Variants in TIAL1 observed in about 807,000 individuals in gnomAD.
TIAL1 encodes nucleolysin TIAR.
In TIAL1, 7 loss-of-function variants were observed where a neutral mutation model predicts 59.7. The ratio of observed to expected loss-of-function variants is 0.12; its 90% CI spans 0.07 to 0.22. The LOEUF (loss-of-function observed/expected upper bound fraction) is 0.22. Among genes scored for constraint, TIAL1 ranks in the 10% least tolerant of loss-of-function variants. TIAL1 has a pLI of 1.00. For synonymous variants in TIAL1, 149 were observed against 146.3 expected, an observed-to-expected ratio of 1.02 and a Z score of -0.13; for missense variants, 225 against 462.5, an observed-to-expected ratio of 0.49 and a Z score of 4.71.
intron 5 of TIAL1, chr10:119,580,910 C>T: frequency 1.0e-6 from 1 of 954,230 alleles, no homozygotes; most frequent in Non-Finnish European, 1.4e-6. Context: ...AACTGCAGGT[C>T]TCAGGTATAA....
intron 2 of TIAL1, among the ~76,000 whole-genome samples, chr10:119,584,697 C>T (rs925379901): frequency 1.1e-4 from 17 of 152,002 alleles, no homozygotes; most frequent in East Asian, 1.9e-4. Flanking sequence ...GGTGTGGTGG[C>T]GGGCGCCTGT....
chr10:119,584,753 T>TG (rs1476998027), intron 2 of TIAL1, among the ~76,000 whole-genome samples: 2 of 150,936 alleles, frequency 1.3e-5, no homozygotes, highest in Non-Finnish European at 3.0e-5. Context: ...CGTTTGAACC[T>TG]GGGAGGCAGA....
chr10:119,593,397 A>G (rs149953012), intron 1 of TIAL1: 1 of 866,748 alleles, frequency 1.2e-6, no homozygotes, highest in African/African-American at 1.8e-5. Context: ...TTGCCACTTT[A>G]AATACCATCA....
At chr10:119,586,404 T>G (rs1239147536) in intron 2 of TIAL1, among the ~76,000 whole-genome samples, 1 of 152,234 alleles carries the variant, frequency 6.6e-6, no homozygotes, top group South Asian at 2.1e-4. Flanking sequence ...GTCCTTATCT[T>G]GACTTCGGCT....
intron 11 of TIAL1, 137 bp from the exon 12 acceptor site, chr10:119,575,928 A>C: frequency 6.0e-6 from 5 of 827,568 alleles, no homozygotes; most frequent in Non-Finnish European, 8.8e-6. Flanking sequence ...TAGAAAGATC[A>C]AAGAAATAAA....
chr10:119,594,233 T>C (rs1846037225), intron 1 of TIAL1, among the ~76,000 whole-genome samples: 1 of 152,170 alleles, frequency 6.6e-6, no homozygotes, highest in South Asian at 2.1e-4. Context: ...CTTAACTGTT[T>C]CAAAGAAAGA....
chr10:119,585,911 A>C (rs1245478152), intron 2 of TIAL1, among the ~76,000 whole-genome samples: 1 of 152,072 alleles, frequency 6.6e-6, no homozygotes, highest in South Asian at 2.1e-4. Context: ...TCTGTCTCCT[A>C]CCACACTCTG....
rs1432798479 is a variant in TIAL1, at chr10:119,596,425, G to A, written c.32+9C>T. On this transcript the variant is annotated intron_variant, in intron 1 of 11. Coordinates refer to ENST00000436547, the MANE Select transcript of TIAL1 (RefSeq NM_003252.4). ...TTGGCGCCTGGCACCCCTCGTCTCG[G>A]GTACTCACAGAGTCCGGGGCTGCCC... 3 of 1,609,858 alleles carry A rather than the reference G, an allele frequency of 1.9e-6. No individual in the cohort carries two copies. Among genetic ancestry groups the A allele is most frequent in the African/African-American group, 2.7e-5 (2 of 74,772 alleles).
chr10:119,588,325 C>T, intron 1 of TIAL1, 77 bp from the exon 2 acceptor site: 1 of 781,622 alleles, frequency 1.3e-6, no homozygotes, highest in Non-Finnish European at 1.9e-6. Flanking sequence ...TAATTCATCA[C>T]CTTTTCTTTC....
chr10:119,589,423 C>T (rs1442302940), intron 1 of TIAL1, among the ~76,000 whole-genome samples: 1 of 152,140 alleles, frequency 6.6e-6, no homozygotes, highest in African/African-American at 2.4e-5. Context: ...CCTGGCTGGT[C>T]TCAAACTCCT....
At chr10:119,576,266 C>T (rs1046357512) in intron 11 of TIAL1, among the ~76,000 whole-genome samples, 1 of 148,668 alleles carries the variant, frequency 6.7e-6, no homozygotes, top group Non-Finnish European at 1.5e-5. Context: ...CTCACACATA[C>T]CACATAGGCA....
chr10:119,577,222 A>G lies in TIAL1; in HGVS notation c.738-19T>C, dbSNP rs754241603. The G allele has an allele frequency of 2.9e-5, 46 of 1,592,590 alleles. No individual in the cohort carries two copies. Among genetic ancestry groups the G allele is most frequent in the Admixed American group, 3.7e-5 (2 of 53,902 alleles). On this transcript the variant is annotated intron_variant, in intron 9 of 11. Coordinates refer to ENST00000436547, the MANE Select transcript of TIAL1 (RefSeq NM_003252.4). ...TGAAAATCTAAGAAAGAAAAATGATATGGTTTTGTCTTTTATTTTTTAAGA... is the reference window on the plus strand; with the variant it reads ...TGAAAATCTAAGAAAGAAAAATGATGTGGTTTTGTCTTTTATTTTTTAAGA...
intron 7 of TIAL1, 79 bp downstream of exon 7, chr10:119,578,643 ATTAG>A: frequency 8.1e-7 from 1 of 1,227,272 alleles, no homozygotes; most frequent in South Asian, 1.2e-5. Context: ...ACATAAATAA[ATTAG>A]AAATTGAGAC....
intron 2 of TIAL1, among the ~76,000 whole-genome samples, chr10:119,587,032 A>C (rs886498418): frequency 1.3e-5 from 2 of 152,248 alleles, no homozygotes; most frequent in Admixed American, 6.5e-5. Context: ...TGAAAGCACA[A>C]ATAAATAATT....
chr10:119,578,837 A>G lies in TIAL1; in HGVS notation c.448-3T>C, dbSNP rs1297218647. ...TGCACAATCGCATTTTCTGCATCCTATGGATAAAAAAGAAAGCACAATCAC... is the reference window on the plus strand; with the variant it reads ...TGCACAATCGCATTTTCTGCATCCTGTGGATAAAAAAGAAAGCACAATCAC... On this transcript the variant is annotated splice_region_variant and splice_polypyrimidine_tract_variant and intron_variant, in intron 6 of 11. Coordinates refer to ENST00000436547, the MANE Select transcript of TIAL1 (RefSeq NM_003252.4). 2.5e-6 allele frequency: 4 copies of G among 1,612,230 alleles called. No homozygotes were observed. Among genetic ancestry groups the G allele is most frequent in the Non-Finnish European group, 3.4e-6 (4 of 1,178,372 alleles).
intron 1 of TIAL1, among the ~76,000 whole-genome samples, chr10:119,595,006 G>T (rs1193567881): frequency 6.6e-6 from 1 of 152,150 alleles, no homozygotes; most frequent in East Asian, 1.9e-4. Flanking sequence ...ACACAAAGAC[G>T]TTCTATTAAG....
At position 119,575,198 on chromosome 10, in the gene TIAL1, C is replaced by T. The variant is rs1471344603; in HGVS notation, c.*467G>A. 6.5e-6 allele frequency: 1 copy of T among 154,330 alleles called. No individual in the cohort carries two copies. The highest frequency in any genetic ancestry group is 6.5e-5 in the Admixed American group (1 of 15,464). The allele number at this position is 154,330 out of a possible 1,614,324, so 9.6% of individuals were successfully genotyped here. On this transcript the variant is annotated 3_prime_UTR_variant, in exon 12 of 12. Coordinates refer to ENST00000436547, the MANE Select transcript of TIAL1 (RefSeq NM_003252.4). ...GAATATCACACTTTTTCTCTGCTGA[C>T]TTCAAATGTGGTCCACCTCAGGGAA...
chr10:119,594,524 A>G (rs768391691), intron 1 of TIAL1, among the ~76,000 whole-genome samples: 1 of 152,214 alleles, frequency 6.6e-6, no homozygotes, highest in African/African-American at 2.4e-5. Context: ...TGTTAAATAC[A>G]TGTTAGCTAG....
At chr10:119,586,482 C>T (rs1845575779) in intron 2 of TIAL1, among the ~76,000 whole-genome samples, 1 of 152,188 alleles carries the variant, frequency 6.6e-6, no homozygotes, top group African/African-American at 2.4e-5. Flanking sequence ...GATGGTTTTT[C>T]TCCTTCTGCT....
Sources: gnomAD v4.1 joint callset for allele counts (sites outside exome capture counted in the v4.1 genomes callset) on GRCh38, gnomAD v4.1.1 for gene constraint, MANE v1.5 for transcripts, NCBI Gene and HGNC (gene_info 2026-07-23, HGNC 2026-07-21) for gene names.